STPG2: variants seen among roughly 807,000 people sequenced by gnomAD.
STPG2 encodes the protein sperm tail PG-rich repeat containing 2.
Under a neutral mutation model 54.2 loss-of-function variants are expected in STPG2, and 56 were observed. The ratio of observed to expected loss-of-function variants is 1.03; its 90% CI spans 0.83 to 1.29. STPG2 has a LOEUF of 1.29. Ranked by LOEUF, STPG2 falls within the 50% of genes most tolerant of loss-of-function variation. The pLI is 0.00. For missense variants in STPG2, 596 were observed against 544.9 expected, an observed-to-expected ratio of 1.09 and a Z score of -0.93; for synonymous variants, 200 against 181.8, an observed-to-expected ratio of 1.10 and a Z score of -0.81.
At chr4:98,107,611 T>A (rs548203213) in intron 4 of STPG2, among the ~76,000 whole-genome samples, 2 of 152,080 alleles carry the variant, frequency 1.3e-5, no homozygotes, top group East Asian at 3.9e-4. Flanking sequence ...CCAAGCAGAA[T>A]CAGTTAACAC....
intron 10 of STPG2, among the ~76,000 whole-genome samples, chr4:97,702,415 A>AGT (rs1723805890): frequency 6.6e-6 from 1 of 152,164 alleles, no homozygotes; most frequent in Non-Finnish European, 1.5e-5. Context: ...AGTTTTTTCA[A>AGT]GTGTAACACA....
intron 1 of STPG2, among the ~76,000 whole-genome samples, chr4:98,134,688 CA>C (rs556037192): frequency 0.064 from 9,248 of 144,996 alleles, 318 homozygotes; most frequent in Middle Eastern, 0.089. Flanking sequence ...TGAACAACAA[CA>C]AAAAAAAAAC....
chr4:97,840,595 A>G (rs1728766821), intron 9 of STPG2, among the ~76,000 whole-genome samples, 178 bp downstream of exon 9: 2 of 151,642 alleles, frequency 1.3e-5, no homozygotes, highest in African/African-American at 4.8e-5. Flanking sequence ...CAGGTCCTCA[A>G]ATAATGTTGT....
At chr4:97,660,886 GTATA>G (rs1722356768) in intron 10 of STPG2, among the ~76,000 whole-genome samples, 1 of 151,996 alleles carries the variant, frequency 6.6e-6, no homozygotes, top group South Asian at 2.1e-4. Context: ...TTCATAATCC[GTATA>G]TATATTATTT....
At chr4:97,516,314 A>C (rs1731073975) in intron 4 of STPG2, among the ~76,000 whole-genome samples, 1 of 152,126 alleles carries the variant, frequency 6.6e-6, no homozygotes, top group Non-Finnish European at 1.5e-5. Flanking sequence ...TTAAGGTTAA[A>C]GGTAACCTAG....
Position 98,118,079 on chromosome 4 carries a change from A to G in STPG2, c.388-8774T>C, listed in dbSNP as rs192983661. Among the ~76,000 whole-genome samples, 19 of 152,222 alleles carry G rather than the reference A, an allele frequency of 1.2e-4. No individual in the cohort carries two copies. The East Asian group carries it at 3.7e-3, about 29-fold the overall frequency. On this transcript the variant is annotated intron_variant, in intron 3 of 10. Coordinates refer to ENST00000295268, the MANE Select transcript of STPG2 (RefSeq NM_174952.3). ...TCCTACCCTGAGGGTTTGTTTAGTG[A>G]TTTTCCAAGACTAATTCTCTAAACT... is the stretch of plus-strand genomic sequence containing the variant.
At chr4:98,142,955 C>CTA (rs1052502338) in intron 1 of STPG2, 87 bp downstream of exon 1, 1 of 1,131,508 alleles carries the variant, frequency 8.8e-7, no homozygotes, top group African/African-American at 1.5e-5. Flanking sequence ...CTATTCCGCT[C>CTA]TATGTTTAAC....
intron 7 of STPG2, among the ~76,000 whole-genome samples, chr4:97,952,072 A>G (rs1733493277): frequency 6.6e-6 from 1 of 152,116 alleles, no homozygotes. Flanking sequence ...ATTCCATCAG[A>G]CAGGCACCTA....
intron 5 of STPG2, among the ~76,000 whole-genome samples, chr4:98,010,709 GTTTC>G (rs1560633973): frequency 6.6e-6 from 1 of 151,908 alleles, no homozygotes; most frequent in Non-Finnish European, 1.5e-5. Context: ...AGAATCCATT[GTTTC>G]TTTCTCTCTT....
intron 10 of STPG2, among the ~76,000 whole-genome samples, chr4:97,709,557 T>C (rs1454953285): frequency 1.3e-5 from 2 of 151,570 alleles, no homozygotes; most frequent in Non-Finnish European, 3.0e-5. Context: ...TTAAGAGATA[T>C]ATTTAAATCT....
intron 9 of STPG2, among the ~76,000 whole-genome samples, chr4:97,719,487 T>C (rs1724384375): frequency 6.6e-6 from 1 of 151,994 alleles, no homozygotes; most frequent in South Asian, 2.1e-4. Flanking sequence ...ACAATTTCAA[T>C]AAAACCCATT....
intron 8 of STPG2, among the ~76,000 whole-genome samples, chr4:97,842,806 T>C (rs1728840894): frequency 6.6e-6 from 1 of 151,900 alleles, no homozygotes; most frequent in African/African-American, 2.4e-5. Flanking sequence ...CCCTTGTTCA[T>C]GACCACCTGC....
intron 7 of STPG2, among the ~76,000 whole-genome samples, chr4:97,952,465 C>A (rs1228351678): frequency 2.6e-5 from 4 of 152,270 alleles, no homozygotes; most frequent in African/African-American, 9.6e-5. Flanking sequence ...CATGGAGCGT[C>A]CCCTTAATGT....
chr4:97,800,576 G>A (rs1263433226), intron 9 of STPG2, among the ~76,000 whole-genome samples: 1 of 152,192 alleles, frequency 6.6e-6, no homozygotes, highest in Admixed American at 6.5e-5. Context: ...GCCGTGTGAG[G>A]TGTCAGTCTG....
chr4:97,642,782 G>C (rs1272649597), intron 10 of STPG2, among the ~76,000 whole-genome samples: 2 of 151,348 alleles, frequency 1.3e-5, no homozygotes, highest in East Asian at 3.9e-4. Flanking sequence ...GAAAATTCAT[G>C]TTATATATTA....
At chr4:97,789,778 G>T (rs756547767) in intron 9 of STPG2, among the ~76,000 whole-genome samples, 1 of 152,044 alleles carries the variant, frequency 6.6e-6, no homozygotes, top group Non-Finnish European at 1.5e-5. Flanking sequence ...AAAGACCATC[G>T]TGGAAAACGT....
intron 5 of STPG2, chr4:98,025,851 G>A (rs1736402520): frequency 3.1e-6 from 5 of 1,597,706 alleles, no homozygotes; most frequent in Admixed American, 1.7e-5. Flanking sequence ...ACTACCACTG[G>A]CAATAAAGTT....
chr4:98,119,876 C>T (rs1578179701), intron 3 of STPG2, among the ~76,000 whole-genome samples: 1 of 152,212 alleles, frequency 6.6e-6, no homozygotes, highest in East Asian at 1.9e-4. Flanking sequence ...AGGATAATGG[C>T]TTCCAGCTCC....
At chr4:98,021,095 T>C (rs1357643067) in intron 5 of STPG2, among the ~76,000 whole-genome samples, 12 of 152,038 alleles carry the variant, frequency 7.9e-5, no homozygotes, top group Non-Finnish European at 1.8e-4. Context: ...TTTCTAGTTC[T>C]TTTAATTATG....
Sources: gnomAD v4.1 joint callset for allele counts (sites outside exome capture counted in the v4.1 genomes callset) on GRCh38, gnomAD v4.1.1 for gene constraint, MANE v1.5 for transcripts, NCBI Gene and HGNC (gene_info 2026-07-23, HGNC 2026-07-21) for gene names.